Variants in GOLIM4 observed in about 807,000 individuals in gnomAD.
GOLIM4 encodes golgi integral membrane protein 4, also known as 130 kDa golgi-localized phosphoprotein.
GOLIM4 carries 71 observed loss-of-function variants against 107.4 expected under a neutral mutation model. The ratio of observed to expected loss-of-function variants is 0.66; its 90% confidence interval spans 0.55 to 0.81. GOLIM4 has a LOEUF of 0.81. Among genes scored for constraint, GOLIM4 ranks in the 30% least tolerant of loss-of-function variants. The pLI, the probability that GOLIM4 is intolerant of heterozygous loss-of-function variation, is 0.00. For synonymous variants in GOLIM4, 327 were observed against 294.8 expected, an observed-to-expected ratio of 1.11 and a Z score of -1.12; for missense variants, 830 against 826.1, an observed-to-expected ratio of 1.00 and a Z score of -0.06.
At chr3:168,078,211 AAC>A (rs1721163178) in intron 1 of GOLIM4, among the ~76,000 whole-genome samples, 1 of 152,164 alleles carries the variant, frequency 6.6e-6, no homozygotes, top group Admixed American at 6.5e-5. Context: ...AGTAATTTAG[AAC>A]ATTGTTATTT....
At chr3:168,023,087 AG>A (rs1249658428) in intron 14 of GOLIM4, among the ~76,000 whole-genome samples, 1 of 152,252 alleles carries the variant, frequency 6.6e-6, no homozygotes, top group African/African-American at 2.4e-5. Context: ...AAAAGGAATC[AG>A]TAAACACTGG....
At chr3:168,023,287 C>A (rs546984296) in intron 14 of GOLIM4, among the ~76,000 whole-genome samples, 2 of 152,278 alleles carry the variant, frequency 1.3e-5, no homozygotes, top group Admixed American at 1.3e-4. Context: ...TTCAAGGTCA[C>A]TATTTTCTCT....
In GOLIM4 at chr3:168,043,494, G is replaced by A; in HGVS notation, c.402C>T (p.Asp134=). 1 of 1,613,272 alleles carries A rather than the reference G, an allele frequency of 6.2e-7. No individual in the cohort carries two copies. The highest frequency in any genetic ancestry group is 8.5e-7 in the Non-Finnish European group (1 of 1,179,660). The change falls in exon 5 of 16, where the codon GAC becomes GAT. Residue 134 remains aspartate, a synonymous_variant. Coordinates refer to ENST00000470487, the MANE Select transcript of GOLIM4 (RefSeq NM_014498.5). ...CTTGTTTGCGATGTTCCTCTTCCAA[G>A]TCACTGTGCTGTTTCTTTAGCTCCT... ...QHEELKKQHS[D]LEEEHRKQGE... is the part of the protein sequence containing the mutation.
At chr3:168,065,277 G>A in intron 1 of GOLIM4, among the ~76,000 whole-genome samples, 1 of 152,174 alleles carries the variant, frequency 6.6e-6, no homozygotes, top group African/African-American at 2.4e-5. Flanking sequence ...TTTTAAATTG[G>A]TTTTGAATAC....
intron 14 of GOLIM4, among the ~76,000 whole-genome samples, chr3:168,020,614 A>G (rs1717623462): frequency 6.6e-6 from 1 of 152,190 alleles, no homozygotes; most frequent in African/African-American, 2.4e-5. Flanking sequence ...TGGGCTATAG[A>G]AAATTTAGCT....
intron 13 of GOLIM4, 69 bp downstream of exon 13, chr3:168,024,858 CT>C: frequency 6.8e-7 from 1 of 1,475,246 alleles, no homozygotes; most frequent in Non-Finnish European, 9.4e-7. Flanking sequence ...TATGACTAAC[CT>C]TTTACATAAA....
intron 14 of GOLIM4, among the ~76,000 whole-genome samples, chr3:168,018,266 C>G (rs530054223): frequency 2.2e-4 from 33 of 152,206 alleles, no homozygotes; most frequent in African/African-American, 7.2e-4. Context: ...TATACAGATG[C>G]TATAATTCAG....
intron 8 of GOLIM4, among the ~76,000 whole-genome samples, chr3:168,034,803 G>A (rs905117424): frequency 4.6e-5 from 7 of 152,092 alleles, no homozygotes; most frequent in African/African-American, 7.2e-5. Flanking sequence ...AGATCTGATC[G>A]TTTTAAAAAG....
chr3:168,044,745 T>A (rs1719204823), intron 4 of GOLIM4, 83 bp downstream of exon 4: 1 of 765,526 alleles, frequency 1.3e-6, no homozygotes, highest in Non-Finnish European at 2.1e-6. Context: ...AAACTTTCTT[T>A]AATCACTTTA....
intron 1 of GOLIM4, among the ~76,000 whole-genome samples, chr3:168,066,541 T>C (rs1197412700): frequency 6.6e-6 from 1 of 152,168 alleles, no homozygotes; most frequent in South Asian, 2.1e-4. Context: ...TTTTATCACC[T>C]TGCAGATAAC....
chr3:168,033,045 CATAAT>C (rs879761325), intron 8 of GOLIM4, among the ~76,000 whole-genome samples, 193 bp from the exon 9 acceptor site: 1 of 152,056 alleles, frequency 6.6e-6, no homozygotes, highest in Non-Finnish European at 1.5e-5. Flanking sequence ...ATAAAATAGA[CATAAT>C]ATAAGCAAAA....
At position 168,029,591 on chromosome 3, in the gene GOLIM4, C is replaced by G. The variant is rs139974050; in HGVS notation, c.1433+189G>C. Among the ~76,000 whole-genome samples, 215 of 152,042 alleles carry G rather than the reference C, an allele frequency of 1.4e-3. No homozygotes were observed. The East Asian group carries it at 0.017, about 12-fold the overall frequency. ...GGAGACCTAACCTACCACTTTTGAG[C>G]AGAAAAAAAATATTATTTTTAAAAT... On this transcript the variant is annotated intron_variant, in intron 10 of 15. Transcript: ENST00000470487.
At chr3:168,094,262 A>G (rs1722047270) in intron 1 of GOLIM4, among the ~76,000 whole-genome samples, 1 of 152,244 alleles carries the variant, frequency 6.6e-6, no homozygotes, top group African/African-American at 2.4e-5. Context: ...ATTAGATTCT[A>G]AAATAGGATA....
intron 1 of GOLIM4, among the ~76,000 whole-genome samples, chr3:168,084,976 C>T (rs907932271): frequency 1.3e-5 from 2 of 151,768 alleles, no homozygotes; most frequent in African/African-American, 4.8e-5. Context: ...AAAAATGTGC[C>T]AGATGAACTG....
intron 14 of GOLIM4, among the ~76,000 whole-genome samples, chr3:168,021,709 C>T (rs999057617): frequency 6.6e-6 from 1 of 151,884 alleles, no homozygotes; most frequent in Non-Finnish European, 1.5e-5. Flanking sequence ...AGCTTCTTGA[C>T]ACGGTGATTC....
At chr3:168,066,572 A>G (rs183544718) in intron 1 of GOLIM4, among the ~76,000 whole-genome samples, 1 of 152,290 alleles carries the variant, frequency 6.6e-6, no homozygotes, top group Non-Finnish European at 1.5e-5. Context: ...GAGGTAAAGT[A>G]TACTTGTAGA....
At chr3:168,024,203 G>C (rs1717868471) in intron 14 of GOLIM4, among the ~76,000 whole-genome samples, 1 of 152,198 alleles carries the variant, frequency 6.6e-6, no homozygotes, top group Admixed American at 6.5e-5. Flanking sequence ...TCAATGTGCA[G>C]AGGGAGAGAG....
At chr3:168,050,319 T>C (rs1417584395) in intron 1 of GOLIM4, among the ~76,000 whole-genome samples, 1 of 152,158 alleles carries the variant, frequency 6.6e-6, no homozygotes, top group Non-Finnish European at 1.5e-5. Context: ...CTTGGACAAT[T>C]ACTAAAATCC....
intron 5 of GOLIM4, among the ~76,000 whole-genome samples, chr3:168,042,456 T>A (rs1420160333): frequency 6.6e-6 from 1 of 152,154 alleles, no homozygotes; most frequent in African/African-American, 2.4e-5. Flanking sequence ...AATTTTTGTA[T>A]TTTTAGTAGA....
Sources: allele counts gnomAD v4.1 joint callset (sites outside exome capture counted in the v4.1 genomes callset), GRCh38; gene constraint gnomAD v4.1.1; transcripts MANE v1.5; gene names NCBI Gene and HGNC (gene_info 2026-07-23, HGNC 2026-07-21).